The following CHD5 variants were observed in gnomAD, a reference collection of about 807,000 sequenced individuals.
The protein encoded by CHD5 is ATP-dependent chromatin remodeler CHD5.
Under a neutral mutation model 230.3 loss-of-function variants are expected in CHD5, and 69 were observed. That is an observed-to-expected ratio of 0.30 (90% CI 0.25 to 0.37). The LOEUF (loss-of-function observed/expected upper bound fraction) is 0.37. CHD5 is among the 10% of genes least tolerant of loss of function. The pLI, the probability that CHD5 is intolerant of heterozygous loss-of-function variation, is 1.00. For synonymous variants in CHD5, 1,064 were observed against 1,065.9 expected, an observed-to-expected ratio of 1.00 and a Z score of 0.03; for missense variants, 1,827 against 2,622.8, an observed-to-expected ratio of 0.70 and a Z score of 6.63.
intron 37 of CHD5, 26 bp downstream of exon 37, chr1:6,110,368 C>CA (rs747361116): frequency 1.2e-6 from 2 of 1,613,318 alleles, no homozygotes; most frequent in Admixed American, 3.3e-5. Context: ...CTGCCCCGTG[C>CA]AGCCCTGGCC....
Position 6,124,422 on chromosome 1 carries a change from C to A in CHD5, c.4539+95G>T, listed in dbSNP as rs1418381941. 1.1e-5 allele frequency: 15 copies of A among 1,415,148 alleles called. No individual in the cohort carries two copies. The African/African-American group carries it at 2.0e-4, about 19-fold the overall frequency. 87.7% of individuals were successfully genotyped at this position (1,415,148 alleles called of 1,614,324 possible). A position where few individuals can be genotyped will look rare whatever the true frequency, so the allele number is the denominator to read the frequency against. The stretch of plus-strand genomic sequence containing the variant: ...ACCCTGGGCAGCTGTGTGGCCTGAA[C>A]CAGGCACTTGTTCTCTGACCACTGA... On this transcript the variant is annotated intron_variant, in intron 30 of 41. Transcript: ENST00000262450.
Position 6,131,594 on chromosome 1 carries a change from G to A in CHD5, c.3262+37C>T, listed in dbSNP as rs373790240. 87 of 1,266,406 alleles carry A rather than the reference G, an allele frequency of 6.9e-5. No individual in the cohort carries two copies. In the African/African-American group the frequency reaches 1.2e-3, roughly 17 times the overall value. The allele number at this position is 1,266,406 out of a possible 1,614,324, so 78.4% of individuals were successfully genotyped here. A position where few individuals can be genotyped will look rare whatever the true frequency, so the allele number is the denominator to read the frequency against. On this transcript the variant is annotated intron_variant, in intron 21 of 41. Transcript: ENST00000262450. This position sits in a 1 kb window ranked among gnomAD's most constrained non-coding sequence, Gnocchi z 5.0. The stretch of plus-strand genomic sequence containing the variant: ...AGGCCTGGGAGAAGAGGCCAAAAAG[G>A]AGTCTCAATCAGAACCCTTGGGCAG...
In CHD5 at chr1:6,124,003, G is replaced by T; in HGVS notation, c.4644C>A (p.Asn1548Lys). Residue 1548 changes from asparagine to lysine, a missense_variant, in exon 31 of 42, where the codon AAC (asparagine) becomes AAA (lysine). Asn to Lys is a moderately conservative substitution (Grantham distance 94). This residue lies in a region of CHD5 where 272 missense variants were observed against 263.2 expected (regional missense o/e 1.03). Coordinates refer to ENST00000262450, the MANE Select transcript of CHD5 (RefSeq NM_015557.3). The stretch of plus-strand genomic sequence containing the variant: ...GGGCAGGGCTGGCGGGCACTGGTGT[G>T]TTGGGGTCCGAGGAGATCACCTCGC... ...KSGEVISSDP[N>K]TPVPASPAHL... 6.2e-7 allele frequency: 1 copy of T among 1,611,450 alleles called. No individual in the cohort carries two copies. Among genetic ancestry groups the T allele is most frequent in the Non-Finnish European group, 8.5e-7 (1 of 1,179,374 alleles).
chr1:6,176,033 G>C (rs954847901), intron 1 of CHD5, among the ~76,000 whole-genome samples: 2 of 152,228 alleles, frequency 1.3e-5, no homozygotes, highest in Middle Eastern at 3.4e-3. Context: ...GTGAGCGACT[G>C]AATGAACTGA....
chr1:6,174,750 TGATG>T (rs1385255211), intron 1 of CHD5, among the ~76,000 whole-genome samples: 2 of 128,506 alleles, frequency 1.6e-5, no homozygotes, highest in Non-Finnish European at 3.3e-5. Flanking sequence ...GATGGTGAAT[TGATG>T]GATGGATGAT....
chr1:6,168,779 G>A (rs1470322417), intron 1 of CHD5, among the ~76,000 whole-genome samples: 2 of 152,154 alleles, frequency 1.3e-5, no homozygotes, highest in South Asian at 2.1e-4. Flanking sequence ...AACACTTTGG[G>A]AGGCTGAGGC....
chr1:6,158,624 T>C (rs1209643805), intron 3 of CHD5, among the ~76,000 whole-genome samples: 1 of 151,436 alleles, frequency 6.6e-6, no homozygotes, highest in Non-Finnish European at 1.5e-5. Flanking sequence ...CAAAACTCCT[T>C]CTAAAAAAGA....
Position 6,124,027 on chromosome 1 carries a change from G to T in CHD5, c.4620C>A (p.Gly1540=), listed in dbSNP as rs375910064. 6.8e-6 allele frequency: 11 copies of T among 1,612,896 alleles called. No homozygotes were observed. Among genetic ancestry groups the T allele is most frequent in the Non-Finnish European group, 6.8e-6 (8 of 1,179,630 alleles). ...IPEGPEGKKS[G]EVISSDPNTP... The stretch of plus-strand genomic sequence containing the variant: ...TGTTGGGGTCCGAGGAGATCACCTC[G>T]CCCGACTTCTTCCCCTCGGGCCCCT... Residue 1540 remains glycine, a synonymous_variant, in exon 31 of 42, where the codon GGC becomes GGA. Transcript: ENST00000262450.
At chr1:6,138,377 C>CAA (rs1189637514) in intron 15 of CHD5, among the ~76,000 whole-genome samples, 1 of 128,694 alleles carries the variant, frequency 7.8e-6, no homozygotes, top group African/African-American at 2.9e-5. Context: ...TCTCTGTCTC[C>CAA]AAAAAAAAAA....
At chr1:6,123,410 A>G (rs974819526) in intron 31 of CHD5, among the ~76,000 whole-genome samples, 3 of 151,422 alleles carry the variant, frequency 2.0e-5, no homozygotes, top group African/African-American at 4.9e-5. Context: ...CTACGAATAT[A>G]CTAGAAATCA....
intron 20 of CHD5, among the ~76,000 whole-genome samples, chr1:6,132,880 TTCTCTCTCTC>T (rs111561200): frequency 5.5e-5 from 8 of 144,428 alleles, no homozygotes; most frequent in African/African-American, 1.0e-4. Flanking sequence ...TCCTATTCTT[TTCTCTCTCTC>T]TCTCTCTCTC....
chr1:6,170,386 C>T (rs755608681), intron 1 of CHD5, among the ~76,000 whole-genome samples: 10 of 152,212 alleles, frequency 6.6e-5, no homozygotes, highest in Admixed American at 1.3e-4. Flanking sequence ...CCATGGCCCA[C>T]ACTATGGGTG....
At chr1:6,148,496 G>A (rs965797183) in intron 9 of CHD5, among the ~76,000 whole-genome samples, 5 of 152,214 alleles carry the variant, frequency 3.3e-5, no homozygotes, top group Non-Finnish European at 5.9e-5. Flanking sequence ...GGAGTAACAT[G>A]CCTGGTGCCA....
rs929637256 is a variant in CHD5, at chr1:6,134,423, C to T, written c.3013-164G>A. On this transcript the variant is annotated intron_variant, in intron 19 of 41. Transcript: ENST00000262450. The surrounding 1 kb of genome is among the most constrained non-coding windows in gnomAD (Gnocchi z 6.3). ...CCGAGCCAGGCCAGGCCCCACAGTG[C>T]GGGGTAGACCGTGGGTCCCACGGCC... 1.3e-5 allele frequency among the ~76,000 whole-genome samples: 2 copies of T among 152,170 alleles called. No homozygotes were observed. The highest frequency in any genetic ancestry group is 6.5e-5 in the Admixed American group (1 of 15,288).
intron 13 of CHD5, 38 bp downstream of exon 13, chr1:6,143,785 G>T: frequency 1.9e-6 from 3 of 1,556,796 alleles, no homozygotes; most frequent in Non-Finnish European, 2.6e-6. Context: ...GCAGGCCCTG[G>T]CAACCCCACC....
At chr1:6,149,479 G>T (rs754084629) in intron 7 of CHD5, 67 bp from the exon 8 acceptor site, 5 of 1,501,534 alleles carry the variant, frequency 3.3e-6, no homozygotes, top group Non-Finnish European at 4.5e-6. Context: ...CAACTGCATC[G>T]CCCCAGGCCA....
At position 6,106,524 on chromosome 1, in the gene CHD5, T is replaced by G. The variant is rs1666170489; in HGVS notation, c.5743-15A>C. On this transcript the variant is annotated splice_polypyrimidine_tract_variant and intron_variant, in intron 39 of 41. Transcript: ENST00000262450. The stretch of plus-strand genomic sequence containing the variant: ...CCGAAAGCGCCCTGGAGGCAAGGAC[T>G]CAGCTTCACAGGTGGTCTCAGGCCC... 1 of 1,550,938 alleles carries G rather than the reference T, an allele frequency of 6.4e-7. No individual in the cohort carries two copies. Among genetic ancestry groups the G allele is most frequent in the African/African-American group, 1.4e-5 (1 of 73,172 alleles).
intron 3 of CHD5, among the ~76,000 whole-genome samples, chr1:6,158,790 G>A (rs1334876346): frequency 2.0e-5 from 3 of 151,898 alleles, no homozygotes; most frequent in Non-Finnish European, 4.4e-5. Flanking sequence ...GGCGGATCAC[G>A]AGGTCAGGAG....
chr1:6,118,282 G>A (rs767195681), intron 33 of CHD5, among the ~76,000 whole-genome samples: 1 of 151,450 alleles, frequency 6.6e-6, no homozygotes, highest in Non-Finnish European at 1.5e-5. Context: ...GGAGGCTGAG[G>A]TGGAAAGATC....
Sources: gnomAD v4.1 joint callset for allele counts (sites outside exome capture counted in the v4.1 genomes callset) on GRCh38, gnomAD v4.1.1 for gene constraint, gnomAD v4.1.1 regional missense constraint, Gnocchi (gnomAD v3.1) non-coding constraint, MANE v1.5 for transcripts, NCBI Gene and HGNC (gene_info 2026-07-23, HGNC 2026-07-21) for gene names.